The following GYPB variants were observed in gnomAD, a reference collection of about 807,000 sequenced individuals.
GYPB encodes glycophorin-B.
In GYPB, 13 loss-of-function variants were observed where a neutral mutation model predicts 15.3. The observed-to-expected ratio is 0.85, with a 90% confidence interval of 0.55 to 1.35. The LOEUF (loss-of-function observed/expected upper bound fraction) is 1.35. Ranked by LOEUF, GYPB falls within the 40% of genes most tolerant of loss-of-function variation. The probability of loss-of-function intolerance (pLI) is 0.00; values close to 1 mark genes in which losing one functional copy is unlikely to be tolerated. For synonymous variants in GYPB, 38 were observed against 36.9 expected, an observed-to-expected ratio of 1.03 and a Z score of -0.11; for missense variants, 131 against 108.3, an observed-to-expected ratio of 1.21 and a Z score of -0.93.
At position 144,001,885 on chromosome 4, in the gene GYPB, C is replaced by A. The variant is rs1314580917; in HGVS notation, c.38-602G>T. 4.2e-5 allele frequency among the ~76,000 whole-genome samples: 6 copies of A among 142,086 alleles called. 1 individual carries two copies. Among genetic ancestry groups the A allele is most frequent in the Admixed American group, 2.3e-4 (3 of 13,276 alleles). The allele number at this position is 142,086 out of a possible 152,430, so 93.2% of individuals were successfully genotyped here. A position where few individuals can be genotyped will look rare whatever the true frequency, so the allele number is the denominator to read the frequency against. The stretch of plus-strand genomic sequence containing the variant: ...ACAATAAGAAAACACTATTACATTG[C>A]ATGAACCCAGGAGGCCGAGCTTGCA... On this transcript the variant is annotated intron_variant, in intron 1 of 4. Transcript: ENST00000502664.
intron 3 of GYPB, among the ~76,000 whole-genome samples, chr4:143,998,006 A>G (rs1727419673): frequency 6.6e-6 from 1 of 151,448 alleles, no homozygotes; most frequent in African/African-American, 2.5e-5. Flanking sequence ...AAGTTATGAG[A>G]GAAAACAATG....
intron 1 of GYPB, among the ~76,000 whole-genome samples, chr4:144,009,612 T>C (rs1278925091): frequency 9.3e-6 from 1 of 107,972 alleles, no homozygotes; most frequent in South Asian, 3.7e-4. Flanking sequence ...TTTTTTTTTT[T>C]TTTTTTTTTT....
rs1488475503 is a variant in GYPB, at chr4:144,002,591, C to T, written c.38-1308G>A. ...TGTACCTTTGCTCATCTCTTGGAGA[C>T]ATTCAAATGAGGGGAATGGCACCCA... On this transcript the variant is annotated intron_variant, in intron 1 of 4. Transcript: ENST00000502664. 12 of 1,286,808 alleles carry T rather than the reference C, an allele frequency of 9.3e-6. No individual in the cohort carries two copies. The East Asian group carries it at 2.2e-4, about 24-fold the overall frequency. The allele number at this position is 1,286,808 out of a possible 1,614,324, so 79.7% of individuals were successfully genotyped here.
intron 1 of GYPB, among the ~76,000 whole-genome samples, chr4:144,017,849 C>T (rs1315236042): frequency 2.0e-5 from 3 of 151,200 alleles, no homozygotes; most frequent in African/African-American, 7.4e-5. Context: ...ACACTACATC[C>T]CTTTCATTTG....
In GYPB at chr4:144,008,793, A is replaced by C. The variant is rs906910163; in HGVS notation, c.38-7510T>G. Among the ~76,000 whole-genome samples the C allele has an allele frequency of 2.8e-4, 42 of 151,564 alleles. 5 individuals are homozygous for C. Among genetic ancestry groups the C allele is most frequent in the East Asian group, 1.9e-3 (10 of 5,184 alleles). ...AACAATACAAAATTGCAGAAATGAA[A>C]CTAGTTTGTTCTCATCCTTGACTGC... On this transcript the variant is annotated intron_variant, in intron 1 of 4. Transcript: ENST00000502664.
chr4:144,002,730 T>A lies in GYPB; in HGVS notation c.38-1447A>T, dbSNP rs188589690. Reference sequence around the variant, plus strand: ...CACAAATAACAGAAAACATCTTCTCTGACACCTCTCATTAGTCTACTCAAG... The same window carrying A: ...CACAAATAACAGAAAACATCTTCTCAGACACCTCTCATTAGTCTACTCAAG... On this transcript the variant is annotated intron_variant, in intron 1 of 4. Coordinates refer to ENST00000502664, the MANE Select transcript of GYPB (RefSeq NM_002100.6). 1.2e-3 allele frequency: 1,498 copies of A among 1,277,690 alleles called. 68 individuals carry two copies. The African/African-American group carries it at 0.022, about 18-fold the overall frequency. The allele number at this position is 1,277,690 out of a possible 1,614,324, so 79.1% of individuals were successfully genotyped here.
At chr4:143,997,406 A>T (rs1354065909) in intron 4 of GYPB, 134 bp downstream of exon 4, 3 of 605,922 alleles carry the variant, frequency 5.0e-6, no homozygotes, top group Middle Eastern at 4.7e-4. Flanking sequence ...AGTGACTTCT[A>T]TGTGTCCAGT....
chr4:144,005,006 C>T (rs1727826580), intron 1 of GYPB, among the ~76,000 whole-genome samples: 1 of 151,926 alleles, frequency 6.6e-6, no homozygotes, highest in Non-Finnish European at 1.5e-5. Context: ...AGGGAAGGCT[C>T]TCCTGTTATT....
intron 1 of GYPB, among the ~76,000 whole-genome samples, chr4:144,004,759 C>A (rs572892656): frequency 1.3e-5 from 2 of 151,964 alleles, no homozygotes; most frequent in South Asian, 4.1e-4. Flanking sequence ...AACAACAGCT[C>A]ACACAACTAC....
In GYPB at chr4:144,007,669, C is replaced by T. The variant is rs966513560; in HGVS notation, c.38-6386G>A. On this transcript the variant is annotated intron_variant, in intron 1 of 4. Transcript: ENST00000502664. ...CCACTGTCCCAGTGGGAAAGGAGAG[C>T]AGAGTTCTATTCCTGGCTTTGCCAT... Among the ~76,000 whole-genome samples, 29 of 151,562 alleles carry T rather than the reference C, an allele frequency of 1.9e-4. 1 individual carries two copies. Among genetic ancestry groups the T allele is most frequent in the African/African-American group, 6.8e-4 (28 of 40,886 alleles).
At chr4:144,014,164 T>A (rs1250759527) in intron 1 of GYPB, among the ~76,000 whole-genome samples, 1 of 151,832 alleles carries the variant, frequency 6.6e-6, no homozygotes, top group Admixed American at 6.5e-5. Context: ...GGTAAAAAGG[T>A]GCAGCTCCTG....
intron 2 of GYPB, 71 bp from the exon 3 acceptor site, chr4:143,999,520 C>T: frequency 2.4e-6 from 2 of 817,786 alleles, no homozygotes; most frequent in South Asian, 3.0e-5. Context: ...ATTTTGGAAT[C>T]AAACTGTTCT....
chr4:144,000,108 T>A (rs1337329193), intron 2 of GYPB: 2 of 170,716 alleles, frequency 1.2e-5, no homozygotes, highest in Non-Finnish European at 2.5e-5. Flanking sequence ...TAGAGTTTAA[T>A]TATTACAAAT....
chr4:144,001,935 C>T (rs1474564045), intron 1 of GYPB, among the ~76,000 whole-genome samples: 21 of 140,638 alleles, frequency 1.5e-4, no homozygotes, highest in African/African-American at 5.2e-4. Flanking sequence ...CGCCACTGCA[C>T]TCCAGCCTGG....
chr4:143,996,067 T>C (rs912230567), downstream of GYPB: 4 of 1,223,622 alleles, frequency 3.3e-6, no homozygotes, highest in African/African-American at 6.4e-5. Context: ...ATTTTAAACA[T>C]AGCTTGAAAT....
Position 144,017,762 on chromosome 4 carries a change from C to T in GYPB, c.37+1489G>A, listed in dbSNP as rs149257467. Among the ~76,000 whole-genome samples, 160 of 151,424 alleles carry T rather than the reference C, an allele frequency of 1.1e-3. 5 individuals are homozygous for T. Among genetic ancestry groups the T allele is most frequent in the African/African-American group, 3.7e-3 (150 of 40,754 alleles). On this transcript the variant is annotated intron_variant, in intron 1 of 4. Coordinates refer to ENST00000502664, the MANE Select transcript of GYPB (RefSeq NM_002100.6). The stretch of plus-strand genomic sequence containing the variant: ...TGAGCTACATCCAGTTTGGTTTGCC[C>T]CATGGAGCAACACAAAGAATACATC...
intron 1 of GYPB, among the ~76,000 whole-genome samples, chr4:144,013,304 C>G (rs1728317135): frequency 6.6e-6 from 1 of 150,888 alleles, no homozygotes; most frequent in East Asian, 1.9e-4. Context: ...AATAGGAACA[C>G]TTTTACACTG....
intron 1 of GYPB, among the ~76,000 whole-genome samples, chr4:144,006,903 T>C (rs1221230946): frequency 6.6e-6 from 1 of 151,340 alleles, no homozygotes; most frequent in Non-Finnish European, 1.5e-5. Context: ...TTCTGCTCAA[T>C]CTCATTGTCT....
At chr4:144,009,331 G>C (rs560050818) in intron 1 of GYPB, among the ~76,000 whole-genome samples, 1 of 151,188 alleles carries the variant, frequency 6.6e-6, no homozygotes, top group Admixed American at 6.6e-5. Flanking sequence ...TGTCTGTTGA[G>C]ATCCCTTAGC....
Sources: allele counts gnomAD v4.1 joint callset (sites outside exome capture counted in the v4.1 genomes callset), GRCh38; gene constraint gnomAD v4.1.1; transcripts MANE v1.5; gene names NCBI Gene and HGNC (gene_info 2026-07-23, HGNC 2026-07-21).